SNCAIP: variants seen among roughly 807,000 people sequenced by gnomAD.
The protein encoded by SNCAIP is synphilin-1.
A neutral mutation model predicts 86.7 loss-of-function variants in SNCAIP; 43 were observed. The observed-to-expected ratio is 0.50, with a 90% confidence interval of 0.39 to 0.64. The LOEUF (loss-of-function observed/expected upper bound fraction) is 0.64, where lower values mean the gene tolerates loss of function less well. SNCAIP is among the 30% of genes least tolerant of loss of function. SNCAIP has a pLI of 0.00. For missense variants in SNCAIP, 981 were observed against 1,103.1 expected, an observed-to-expected ratio of 0.89 and a Z score of 1.57; for synonymous variants, 417 against 427.2, an observed-to-expected ratio of 0.98 and a Z score of 0.29.
At chr5:122,330,139 T>TTTTTTTTTATAAG (rs60571600) in intron 1 of SNCAIP, among the ~76,000 whole-genome samples, 1 of 140,590 alleles carries the variant, frequency 7.1e-6, no homozygotes, top group African/African-American at 2.6e-5. Context: ...TTTTTTTTTT[T>TTTTTTTTTATAAG]GAGACGGAGT....
chr5:122,437,062 T>C (rs1252747817), intron 6 of SNCAIP: 3 of 152,226 alleles, frequency 2.0e-5, no homozygotes, highest in East Asian at 1.9e-4. Flanking sequence ...TCATTAGATA[T>C]TCTCTGAAAG....
At chr5:122,328,459 C>G (rs192776583) in intron 1 of SNCAIP, among the ~76,000 whole-genome samples, 1 of 152,294 alleles carries the variant, frequency 6.6e-6, no homozygotes, top group East Asian at 1.9e-4. Context: ...ATAAATACTC[C>G]CTTCTCTTGA....
Position 122,432,065 on chromosome 5 carries a change from G to A in SNCAIP, c.1279G>A (p.Ala427Thr), listed in dbSNP as rs141920309. Residue 427 changes from alanine (A) to threonine (T), a missense_variant, in exon 6 of 11, where the codon GCA becomes ACA. By Grantham distance (58) the Ala-to-Thr change is moderately conservative. Coordinates refer to ENST00000261368, the MANE Select transcript of SNCAIP (RefSeq NM_005460.4). ...GGATTTTCCAAGCCTTATTCATTAC[G>A]CAGGTTGCTATGGCCAGGTATGAAG... ...SKDFPSLIHY[A>T]GCYGQEKILL... 8.3e-6 allele frequency: 13 copies of A among 1,563,260 alleles called. No individual in the cohort carries two copies. The highest frequency in any genetic ancestry group is 5.6e-5 in the South Asian group (5 of 90,000).
At chr5:122,452,483 C>T (rs573049583) in intron 10 of SNCAIP, among the ~76,000 whole-genome samples, 1 of 152,230 alleles carries the variant, frequency 6.6e-6, no homozygotes, top group Non-Finnish European at 1.5e-5. Context: ...TGTTAGAATC[C>T]CATTACAATG....
At chr5:122,413,537 A>C (rs1012085874) in intron 3 of SNCAIP, among the ~76,000 whole-genome samples, 1 of 151,978 alleles carries the variant, frequency 6.6e-6, no homozygotes, top group African/African-American at 2.4e-5. Flanking sequence ...TTTTTTATTT[A>C]CCTGTGTACT....
At chr5:122,428,250 A>G (rs1777732531) in intron 5 of SNCAIP, among the ~76,000 whole-genome samples, 1 of 152,184 alleles carries the variant, frequency 6.6e-6, no homozygotes, top group Admixed American at 6.5e-5. Flanking sequence ...CCCTTGCTGT[A>G]TGTTAAATAC....
intron 1 of SNCAIP, among the ~76,000 whole-genome samples, chr5:122,336,208 G>A (rs1394513115): frequency 1.3e-5 from 2 of 152,084 alleles, no homozygotes; most frequent in African/African-American, 2.4e-5. Context: ...GAGAGAGTGT[G>A]TAACAGATAC....
At chr5:122,382,897 G>A (rs551643655) in intron 1 of SNCAIP, among the ~76,000 whole-genome samples, 30 of 152,310 alleles carry the variant, frequency 2.0e-4, no homozygotes, top group African/African-American at 6.5e-4. Flanking sequence ...CAGTCTGCCC[G>A]TTCTCAGATC....
intron 1 of SNCAIP, among the ~76,000 whole-genome samples, chr5:122,369,249 G>A (rs2152787209): frequency 6.6e-6 from 1 of 152,310 alleles, no homozygotes; most frequent in Middle Eastern, 3.4e-3. Context: ...TAGAGCTACT[G>A]TGAGAATATA....
chr5:122,314,030 T>C (rs1003783359), intron 1 of SNCAIP, among the ~76,000 whole-genome samples: 3 of 152,216 alleles, frequency 2.0e-5, no homozygotes, highest in Admixed American at 2.0e-4. Flanking sequence ...GATGCTGCAT[T>C]CATGAATTTG....
chr5:122,375,881 C>A (rs1765207914), intron 1 of SNCAIP, among the ~76,000 whole-genome samples: 1 of 152,084 alleles, frequency 6.6e-6, no homozygotes, highest in South Asian at 2.1e-4. Flanking sequence ...AAGTTAACAT[C>A]TGGATAGATG....
chr5:122,320,829 G>A (rs1011086422), intron 1 of SNCAIP, among the ~76,000 whole-genome samples: 1 of 152,212 alleles, frequency 6.6e-6, no homozygotes, highest in Non-Finnish European at 1.5e-5. Flanking sequence ...ACCACAAGCT[G>A]CTTCTAATTT....
intron 1 of SNCAIP, among the ~76,000 whole-genome samples, chr5:122,322,122 G>A (rs775502755): frequency 3.9e-5 from 6 of 152,178 alleles, no homozygotes; most frequent in African/African-American, 9.7e-5. Context: ...GAGTCATCAC[G>A]ATGAACTTTC....
At chr5:122,334,663 C>T (rs1756061675) in intron 1 of SNCAIP, among the ~76,000 whole-genome samples, 1 of 152,164 alleles carries the variant, frequency 6.6e-6, no homozygotes, top group African/African-American at 2.4e-5. Context: ...AAAGCCTAGA[C>T]TGGGAACTGT....
Position 122,448,479 on chromosome 5 carries a change from T to C in SNCAIP, c.1593-1366T>C, listed in dbSNP as rs138451369. On this transcript the variant is annotated intron_variant, in intron 8 of 10. Transcript: ENST00000261368. ...GCAAGACTCTGTCTCTAAAAATATT[T>C]TTAATTAAAAAATTTTTTAATTCAA... 1.7e-3 allele frequency among the ~76,000 whole-genome samples: 258 copies of C among 150,802 alleles called. 2 individuals carry two copies. Among genetic ancestry groups the C allele is most frequent in the African/African-American group, 5.6e-3 (232 of 41,118 alleles).
intron 6 of SNCAIP, chr5:122,436,351 C>A (rs1382728755): frequency 6.6e-6 from 1 of 152,094 alleles, no homozygotes; most frequent in Admixed American, 6.5e-5. Flanking sequence ...ATACTAGGCA[C>A]TAGATGAATG....
intron 1 of SNCAIP, among the ~76,000 whole-genome samples, chr5:122,343,855 A>C (rs928689877): frequency 1.3e-5 from 2 of 152,258 alleles, no homozygotes; most frequent in Non-Finnish European, 2.9e-5. Context: ...GCTGAGAACC[A>C]GTTCTTGTCT....
intron 2 of SNCAIP, among the ~76,000 whole-genome samples, chr5:122,396,820 CTA>C (rs1210210491): frequency 1.3e-5 from 2 of 152,086 alleles, no homozygotes; most frequent in Non-Finnish European, 2.9e-5. Context: ...TAAAAATAGA[CTA>C]TCATTGAAGT....
intron 1 of SNCAIP, among the ~76,000 whole-genome samples, chr5:122,382,181 A>G (rs1437595447): frequency 6.6e-6 from 1 of 152,176 alleles, no homozygotes; most frequent in African/African-American, 2.4e-5. Context: ...AGGTACACCA[A>G]TCAGACGTAG....
Sources: gnomAD v4.1 joint callset for allele counts (sites outside exome capture counted in the v4.1 genomes callset) on GRCh38, gnomAD v4.1.1 for gene constraint, MANE v1.5 for transcripts, NCBI Gene and HGNC (gene_info 2026-07-23, HGNC 2026-07-21) for gene names.